The following CPA6 variants were observed in gnomAD, a reference collection of about 807,000 sequenced individuals.
CPA6 encodes the protein carboxypeptidase B.
A neutral mutation model predicts 63.3 loss-of-function variants in CPA6; 58 were observed. The observed-to-expected ratio is 0.92, with a 90% CI of 0.74 to 1.14. CPA6 has a LOEUF of 1.14. Among genes scored for constraint, CPA6 ranks in the 50% most tolerant of loss-of-function variants. The pLI is 0.00. For synonymous variants in CPA6, 185 were observed against 179.0 expected (o/e 1.03, Z -0.27); for missense variants, 565 against 526.6 (o/e 1.07, Z -0.71).
intron 1 of CPA6, among the ~76,000 whole-genome samples, chr8:67,660,742 A>G (rs1587680487): frequency 6.6e-6 from 1 of 152,076 alleles, no homozygotes; most frequent in Non-Finnish European, 1.5e-5. Context: ...CATATCACTG[A>G]GTAATTACAG....
At chr8:67,456,032 T>C (rs1810670673) in intron 8 of CPA6, among the ~76,000 whole-genome samples, 1 of 152,180 alleles carries the variant, frequency 6.6e-6, no homozygotes, top group Non-Finnish European at 1.5e-5. Context: ...TAAGATTCTT[T>C]ACAGCATTGA....
At chr8:67,583,176 G>T (rs962512525) in intron 2 of CPA6, among the ~76,000 whole-genome samples, 1 of 152,102 alleles carries the variant, frequency 6.6e-6, no homozygotes, top group East Asian at 1.9e-4. Context: ...GGGTAGTTGC[G>T]TGAAGATTCT....
At chr8:67,475,827 CTTT>C (rs1811184418) in intron 8 of CPA6, among the ~76,000 whole-genome samples, 1 of 42,860 alleles carries the variant, frequency 2.3e-5, no homozygotes, top group Non-Finnish European at 4.2e-5. Flanking sequence ...CCTTTCTTTT[CTTT>C]CTTTCTTTCT....
chr8:67,588,024 A>C (rs1373829020), intron 2 of CPA6, among the ~76,000 whole-genome samples: 3 of 152,218 alleles, frequency 2.0e-5, no homozygotes, highest in Non-Finnish European at 4.4e-5. Context: ...TGAGGTAAAA[A>C]GTGAGCTAAG....
At chr8:67,432,302 A>G (rs901958694) in intron 9 of CPA6, among the ~76,000 whole-genome samples, 3 of 152,208 alleles carry the variant, frequency 2.0e-5, no homozygotes, top group African/African-American at 7.2e-5. Flanking sequence ...AATCGTCATG[A>G]ATACCCCTAA....
At chr8:67,698,129 T>C (rs1816945626) in intron 1 of CPA6, among the ~76,000 whole-genome samples, 1 of 152,212 alleles carries the variant, frequency 6.6e-6, no homozygotes, top group Admixed American at 6.5e-5. Flanking sequence ...CAAAGCATTA[T>C]ATTATATAAT....
chr8:67,712,197 G>T (rs1817278139), intron 1 of CPA6, among the ~76,000 whole-genome samples: 1 of 152,138 alleles, frequency 6.6e-6, no homozygotes, highest in Non-Finnish European at 1.5e-5. Flanking sequence ...GGAGGCCTTG[G>T]TGCAGATTGG....
rs563844796 is a variant in CPA6 at position 67,723,579 on chromosome 8, A to G, written c.116+22435T>C. ...CAGTTGCTTCCTCATCCTCACCAGC[A>G]CTAAGCATTTTCTATCTATGGGAAA... On this transcript the variant is annotated intron_variant, in intron 1 of 10. Coordinates refer to ENST00000297770, the MANE Select transcript of CPA6 (RefSeq NM_020361.5). Among the ~76,000 whole-genome samples, 260 of 152,344 alleles carry G rather than the reference A, an allele frequency of 1.7e-3. 1 individual carries two copies. The highest frequency in any genetic ancestry group is 6.0e-3 in the African/African-American group (250 of 41,582).
intron 1 of CPA6, among the ~76,000 whole-genome samples, chr8:67,697,876 AG>A (rs1311586412): frequency 2.6e-5 from 4 of 152,174 alleles, no homozygotes; most frequent in African/African-American, 9.7e-5. Context: ...AATATTTAAA[AG>A]TATATATGTC....
intron 1 of CPA6, among the ~76,000 whole-genome samples, chr8:67,733,053 A>G (rs1042542910): frequency 6.6e-6 from 1 of 151,630 alleles, no homozygotes; most frequent in South Asian, 2.1e-4. Flanking sequence ...AAAATTAGCC[A>G]GGTGTGGTGG....
rs537182457 is a variant in CPA6 at position 67,473,123 on chromosome 8, C to G, written c.838+10645G>C. Among the ~76,000 whole-genome samples the G allele has an allele frequency of 2.6e-5, 4 of 152,158 alleles. No individual in the cohort carries two copies. In the South Asian group the frequency reaches 8.3e-4, roughly 31 times the overall value. ...ATAGCTCTTTTTAGCAGTGTATTAG[C>G]TAGAAAATAGCTCTGAATAGGAAGA... On this transcript the variant is annotated intron_variant, in intron 8 of 10. Transcript: ENST00000297770.
intron 2 of CPA6, among the ~76,000 whole-genome samples, chr8:67,613,882 CAGAG>C (rs750695791): frequency 3.3e-5 from 5 of 150,658 alleles, no homozygotes; most frequent in East Asian, 3.9e-4. Context: ...AATGATGCGG[CAGAG>C]AGAGAGAGAG....
rs140850168 is a variant in CPA6, at chr8:67,512,924, A to G, written c.318-1269T>C. 6.4e-4 allele frequency among the ~76,000 whole-genome samples: 98 copies of G among 152,288 alleles called. No individual in the cohort carries two copies. In the East Asian group the frequency reaches 0.018, roughly 28 times the overall value. On this transcript the variant is annotated intron_variant, in intron 3 of 10. Coordinates refer to ENST00000297770, the MANE Select transcript of CPA6 (RefSeq NM_020361.5). ...TATTTTCCATTCTATGAAGAAAGTA[A>G]ATTAACTTAGGGTCATACTGGGTAT...
chr8:67,599,896 T>A (rs1814448101), intron 2 of CPA6, among the ~76,000 whole-genome samples: 1 of 152,110 alleles, frequency 6.6e-6, no homozygotes. Flanking sequence ...CAGTAGTATG[T>A]CGAGTATAAA....
chr8:67,604,539 C>G (rs888852867), intron 2 of CPA6, among the ~76,000 whole-genome samples: 1 of 152,074 alleles, frequency 6.6e-6, no homozygotes, highest in Non-Finnish European at 1.5e-5. Flanking sequence ...ATATTTTTTA[C>G]TTATTTGTTT....
intron 1 of CPA6, among the ~76,000 whole-genome samples, chr8:67,656,405 A>C (rs1488277926): frequency 1.3e-5 from 2 of 152,322 alleles, no homozygotes; most frequent in East Asian, 3.9e-4. Flanking sequence ...AGGGCAGGAA[A>C]CATGGATGAG....
chr8:67,741,208 A>T (rs998824267), intron 1 of CPA6, among the ~76,000 whole-genome samples: 19 of 152,178 alleles, frequency 1.2e-4, no homozygotes, highest in African/African-American at 4.6e-4. Flanking sequence ...GGAACTTTGC[A>T]AGCAGACCCA....
intron 6 of CPA6, among the ~76,000 whole-genome samples, chr8:67,494,982 A>C (rs1184452263): frequency 6.6e-6 from 1 of 152,210 alleles, no homozygotes; most frequent in African/African-American, 2.4e-5. Flanking sequence ...CTTTTGGTCC[A>C]TGAGAATCCA....
intron 1 of CPA6, among the ~76,000 whole-genome samples, chr8:67,660,067 T>A (rs1265915249): frequency 2.6e-5 from 4 of 152,160 alleles, no homozygotes; most frequent in Non-Finnish European, 5.9e-5. Context: ...CAAATCTAGT[T>A]CAGAATCAGC....
Sources: gnomAD v4.1 joint callset for allele counts (sites outside exome capture counted in the v4.1 genomes callset) on GRCh38, gnomAD v4.1.1 for gene constraint, MANE v1.5 for transcripts, NCBI Gene and HGNC (gene_info 2026-07-23, HGNC 2026-07-21) for gene names.